LRRK2: variants seen among roughly 807,000 people sequenced by gnomAD.
LRRK2 encodes the protein leucine rich repeat kinase 2.
Under a neutral mutation model 302.6 loss-of-function variants are expected in LRRK2, and 203 were observed. That is an observed-to-expected ratio of 0.67 (90% CI 0.60 to 0.75). LRRK2 has a LOEUF of 0.75. LRRK2 is among the 30% of genes least tolerant of loss of function. The probability of loss-of-function intolerance (pLI) is 0.00; values close to 1 mark genes in which losing one functional copy is unlikely to be tolerated. For synonymous variants in LRRK2, 1,066 were observed against 1,031.9 expected, an observed-to-expected ratio of 1.03 and a Z score of -0.63; for missense variants, 2,830 against 2,951.0, an observed-to-expected ratio of 0.96 and a Z score of 0.95.
At chr12:40,281,190 A>T (rs1243594655) in intron 18 of LRRK2, among the ~76,000 whole-genome samples, 1 of 152,218 alleles carries the variant, frequency 6.6e-6, no homozygotes, top group Non-Finnish European at 1.5e-5. Context: ...CAAATACTTT[A>T]CACAATTTAA....
Position 40,240,528 on chromosome 12 carries a change from T to C in LRRK2, c.617T>C (p.Met206Thr), listed in dbSNP as rs751550543. 11 of 1,613,192 alleles carry C rather than the reference T, an allele frequency of 6.8e-6. No homozygotes were observed. In the South Asian group the frequency reaches 9.9e-5, roughly 14 times the overall value. Residue 206 changes from methionine (M) to threonine (T), a missense_variant, in exon 6 of 51, where the codon ATG becomes ACG. Coordinates refer to ENST00000298910, the MANE Select transcript of LRRK2 (RefSeq NM_198578.4). ...LTEFVENKDY[M>T]ILLSALTNFK... is the part of the protein sequence containing the mutation. ...GAATTTGTTGAGAACAAAGATTATA[T>C]GATATTGTTAAGTGCGTTAACAAAT...
chr12:40,280,728 T>C (rs1343449066), intron 18 of LRRK2, among the ~76,000 whole-genome samples: 1 of 151,934 alleles, frequency 6.6e-6, no homozygotes, highest in Non-Finnish European at 1.5e-5. Flanking sequence ...GGAGCTAAGA[T>C]TGTGCCACTG....
At chr12:40,243,719 GATATAC>G in intron 7 of LRRK2, 38 bp downstream of exon 7, 3 of 1,583,366 alleles carry the variant, frequency 1.9e-6, no homozygotes, top group African/African-American at 1.3e-5. Flanking sequence ...CACACTGTAT[GATATAC>G]ATATACATAT....
intron 47 of LRRK2, 124 bp from the exon 48 acceptor site, chr12:40,363,278 G>C: frequency 1.3e-6 from 1 of 799,570 alleles, no homozygotes; most frequent in Non-Finnish European, 2.0e-6. Flanking sequence ...AATTGCAATA[G>C]TCTAGCTTGT....
At chr12:40,340,666 G>A (rs183065829) in intron 41 of LRRK2, among the ~76,000 whole-genome samples, 1 of 152,288 alleles carries the variant, frequency 6.6e-6, no homozygotes, top group African/African-American at 2.4e-5. Flanking sequence ...GGCAAAAACT[G>A]AATAAAAAGA....
chr12:40,343,278 A>G (rs192912223), intron 41 of LRRK2, among the ~76,000 whole-genome samples: 2 of 152,362 alleles, frequency 1.3e-5, no homozygotes, highest in African/African-American at 4.8e-5. Context: ...GGATACATTT[A>G]TATCATATCC....
intron 3 of LRRK2, among the ~76,000 whole-genome samples, chr12:40,235,081 G>C (rs1341847171): frequency 6.6e-6 from 1 of 152,028 alleles, no homozygotes; most frequent in Non-Finnish European, 1.5e-5. Context: ...TACAATTGAT[G>C]ATTTGACATG....
chr12:40,313,608 T>C (rs17443909), intron 31 of LRRK2, among the ~76,000 whole-genome samples: 2,351 of 152,142 alleles, frequency 0.015, 30 homozygotes, highest in Middle Eastern at 0.082. Context: ...ACTGATATCT[T>C]ATACTAGCGT....
Position 40,274,952 on chromosome 12 carries a change from A to G in LRRK2, c.1900A>G (p.Ser634Gly). The change falls in exon 16 of 51, where the codon AGC becomes GGC. Residue 634 changes from serine (S) to glycine (G), a missense_variant. Transcript: ENST00000298910. The stretch of plus-strand genomic sequence containing the variant: ...TCTGCTGGCAAAAATTCTGGTTTCC[A>G]GCTTATACCGATTTAAGGATGTTGC... Reference protein sequence around the residue: ...GHLLAKILVSSLYRFKDVAEI... With the variant: ...GHLLAKILVSGLYRFKDVAEI... 1.2e-6 allele frequency: 2 copies of G among 1,614,026 alleles called. No individual in the cohort carries two copies. Among genetic ancestry groups the G allele is most frequent in the Non-Finnish European group, 8.5e-7 (1 of 1,179,942 alleles).
chr12:40,284,136 A>C lies in LRRK2; in HGVS notation c.2500+3A>C. The C allele has an allele frequency of 6.2e-7, 1 of 1,604,784 alleles. No homozygotes were observed. ...TTCTAATTTAAGGAAACAAACAAGT[A>C]AGTAACAAGGAGAATATTTTTTACA... On this transcript the variant is annotated splice_donor_region_variant and intron_variant, in intron 19 of 50. Transcript: ENST00000298910.
chr12:40,341,381 T>C (rs897534674), intron 41 of LRRK2, among the ~76,000 whole-genome samples: 2 of 152,188 alleles, frequency 1.3e-5, no homozygotes, highest in African/African-American at 2.4e-5. Context: ...TCAACTTTTG[T>C]ACTTAGATAA....
intron 18 of LRRK2, among the ~76,000 whole-genome samples, chr12:40,281,850 G>A (rs1489489271): frequency 1.3e-5 from 2 of 152,176 alleles, no homozygotes; most frequent in African/African-American, 4.8e-5. Flanking sequence ...TGGGTTTCCT[G>A]TTTCAAGATG....
chr12:40,277,889 G>A lies in LRRK2; in HGVS notation c.1943G>A (p.Gly648Glu). The change falls in exon 17 of 51, where the codon GGA becomes GAA. Residue 648 changes from glycine (G) to glutamate (E), a missense_variant and splice_region_variant. Physicochemically the swap from Gly to Glu is moderately conservative, Grantham distance 98. Around this residue, in one of 3 missense-constraint regions of LRRK2, gnomAD observed 2,121 missense variants for 2,148.0 expected, o/e 0.99. Transcript: ENST00000298910. ...FKDVAEIQTK[G>E]FQTILAILKL... is the part of the protein sequence containing the mutation. ...TTATTTTTTTTCTTATACTTTTAGG[G>A]ATTTCAGACAATCTTAGCAATCCTC... The A allele has an allele frequency of 6.2e-7, 1 of 1,604,876 alleles. No individual in the cohort carries two copies. Among genetic ancestry groups the A allele is most frequent in the African/African-American group, 1.3e-5 (1 of 74,724 alleles).
At chr12:40,297,142 G>A (rs28365224) in intron 23 of LRRK2, among the ~76,000 whole-genome samples, 9,310 of 152,250 alleles carry the variant, frequency 0.061, 399 homozygotes, top group Admixed American at 0.13. Flanking sequence ...TATGGTAGAA[G>A]TTTAGTACTT....
At position 40,322,536 on chromosome 12, in the gene LRRK2, G is replaced by A. The variant is rs41286458; in HGVS notation, c.5509+26G>A. 1.3e-3 allele frequency: 1,988 copies of A among 1,582,064 alleles called. 1 individual carries two copies. Among genetic ancestry groups the A allele is most frequent in the Non-Finnish European group, 1.5e-3 (1,776 of 1,152,232 alleles). On this transcript the variant is annotated intron_variant, in intron 37 of 50. Coordinates refer to ENST00000298910, the MANE Select transcript of LRRK2 (RefSeq NM_198578.4). ...GTATGTTTTGATACAACTTACAAAT[G>A]CTTTTAAGTGATCCTTCAATACTTA... is the stretch of plus-strand genomic sequence containing the variant.
At chr12:40,312,355 A>G (rs1337428999) in intron 31 of LRRK2, among the ~76,000 whole-genome samples, 1 of 152,170 alleles carries the variant, frequency 6.6e-6, no homozygotes, top group Non-Finnish European at 1.5e-5. Context: ...TTGAAAACTC[A>G]TTTGATTGCT....
At chr12:40,314,840 C>T (rs938683585) in intron 32 of LRRK2, among the ~76,000 whole-genome samples, 39 of 151,938 alleles carry the variant, frequency 2.6e-4, no homozygotes, top group African/African-American at 8.5e-4. Context: ...TTTTCCCCAT[C>T]GTTCTTAAGG....
chr12:40,290,282 G>A (rs565447366), intron 20 of LRRK2, among the ~76,000 whole-genome samples: 164 of 151,938 alleles, frequency 1.1e-3, no homozygotes, highest in Non-Finnish European at 1.9e-3. Context: ...CTTGGTTATG[G>A]TACATTATCC....
intron 14 of LRRK2, among the ~76,000 whole-genome samples, chr12:40,273,545 TG>T (rs1230534073): frequency 6.6e-6 from 1 of 152,084 alleles, no homozygotes; most frequent in Non-Finnish European, 1.5e-5. Context: ...AGTACAGAAA[TG>T]AGGAAGCTTG....
Sources: gnomAD v4.1 joint callset for allele counts (sites outside exome capture counted in the v4.1 genomes callset) on GRCh38, gnomAD v4.1.1 for gene constraint, gnomAD v4.1.1 regional missense constraint, MANE v1.5 for transcripts, NCBI Gene and HGNC (gene_info 2026-07-23, HGNC 2026-07-21) for gene names.